Variants in CACNA1B observed in about 807,000 individuals in gnomAD.
CACNA1B encodes voltage-dependent N-type calcium channel subunit alpha-1B.
CACNA1B carries 70 observed loss-of-function variants against 247.2 expected under a neutral mutation model. The ratio of observed to expected loss-of-function variants is 0.28; its 90% confidence interval spans 0.23 to 0.35. The LOEUF (loss-of-function observed/expected upper bound fraction) is 0.35. CACNA1B is among the 10% of genes least tolerant of loss of function. The pLI is 1.00. For synonymous variants in CACNA1B, 1,231 were observed against 1,294.4 expected, an observed-to-expected ratio of 0.95 and a Z score of 1.05; for missense variants, 2,367 against 3,197.4, an observed-to-expected ratio of 0.74 and a Z score of 6.26.
At chr9:138,079,408 T>C (rs771341378) in intron 36 of CACNA1B, among the ~76,000 whole-genome samples, 1 of 151,982 alleles carries the variant, frequency 6.6e-6, no homozygotes, top group African/African-American at 2.4e-5. Flanking sequence ...TAACCAGCCA[T>C]GCACCATATT....
At chr9:138,067,552 A>G (rs1348157738) in intron 31 of CACNA1B, among the ~76,000 whole-genome samples, 3 of 152,218 alleles carry the variant, frequency 2.0e-5, no homozygotes, top group Non-Finnish European at 4.4e-5. Context: ...TACAAAAGTT[A>G]GCCAGGCATG....
Position 138,050,024 on chromosome 9 carries a change from C to T in CACNA1B, c.3710+709C>T. ...CTCTGAGCGGCTGGGAGGGCTGCTC[C>T]TGGTGCCACTGACTCTGTTCTCTTT... On this transcript the variant is annotated intron_variant, in intron 24 of 46. Transcript: ENST00000371372. The surrounding 1 kb of genome is among the most constrained non-coding windows in gnomAD (Gnocchi z 5.2). 3 of 1,280,148 alleles carry T rather than the reference C, an allele frequency of 2.3e-6. No individual in the cohort carries two copies. Among genetic ancestry groups the T allele is most frequent in the Non-Finnish European group, 3.1e-6 (3 of 980,068 alleles). 79.3% of individuals were successfully genotyped at this position (1,280,148 alleles called of 1,614,324 possible).
chr9:137,984,280 A>C (rs1374026590), intron 13 of CACNA1B, 30 bp downstream of exon 13: 1 of 1,497,492 alleles, frequency 6.7e-7, no homozygotes, highest in Non-Finnish European at 9.1e-7. Context: ...AGGCGAGGGC[A>C]GGTGTAGGGT....
At chr9:138,120,525 A>C (rs1589140737) in intron 45 of CACNA1B, 106 bp from the exon 46 acceptor site, 1 of 1,392,976 alleles carries the variant, frequency 7.2e-7, no homozygotes, top group Non-Finnish European at 9.5e-7. Context: ...CCTAACCCTC[A>C]CCCTAGCCTC....
rs1328829106 is a variant in CACNA1B, at chr9:138,023,511, C to T, written c.2768C>T (p.Ser923Phe). The T allele has an allele frequency of 9.3e-7, 1 of 1,078,640 alleles. No individual in the cohort carries two copies. Among genetic ancestry groups the T allele is most frequent in the East Asian group, 8.0e-5 (1 of 12,546 alleles). The allele number at this position is 1,078,640 out of a possible 1,614,324, so 66.8% of individuals were successfully genotyped here. A position where few individuals can be genotyped will look rare whatever the true frequency, so the allele number is the denominator to read the frequency against. Residue 923 changes from serine (S) to phenylalanine (F), a missense_variant, in exon 19 of 47, where the codon TCC becomes TTC. By Grantham distance (155) the Ser-to-Phe change is radical. Coordinates refer to ENST00000371372, the MANE Select transcript of CACNA1B (RefSeq NM_000718.4). ...EGGRRHHRRG[S>F]PEEAAEREPR... ...GGCCGGCGGCACCACCGGCGCGGCT[C>T]CCCGGAGGAGGCGGCCGAGCGGGAG...
chr9:137,972,696 A>G (rs1268639815), intron 11 of CACNA1B, among the ~76,000 whole-genome samples: 2 of 152,148 alleles, frequency 1.3e-5, no homozygotes, highest in African/African-American at 4.8e-5. Flanking sequence ...ACCTGGAAGC[A>G]TGGGTGGGAG....
At chr9:138,088,034 AAG>A (rs1350957578) in intron 36 of CACNA1B, among the ~76,000 whole-genome samples, 1 of 152,140 alleles carries the variant, frequency 6.6e-6, no homozygotes, top group Non-Finnish European at 1.5e-5. Context: ...CAAGAGCAAA[AAG>A]AAACAATATT....
At chr9:138,032,663 A>G (rs1053424355) in intron 20 of CACNA1B, 2 of 452,658 alleles carry the variant, frequency 4.4e-6, no homozygotes, top group Non-Finnish European at 4.4e-6. Flanking sequence ...TTTTGGGTTG[A>G]CAGTTCTTTT....
At chr9:137,937,139 C>T (rs186514374) in intron 6 of CACNA1B, among the ~76,000 whole-genome samples, 185 of 152,158 alleles carry the variant, frequency 1.2e-3, no homozygotes, top group Non-Finnish European at 2.0e-3. Context: ...CATTTATTTG[C>T]GTCCTCTTTT....
chr9:137,977,650 C>T (rs571730937), intron 12 of CACNA1B, among the ~76,000 whole-genome samples: 13 of 152,290 alleles, frequency 8.5e-5, no homozygotes, highest in African/African-American at 2.6e-4. Context: ...ACTGTCGGCA[C>T]CTGCCCAGAG....
chr9:138,051,926 T>G lies in CACNA1B; in HGVS notation c.3711-166T>G, dbSNP rs1423834988. On this transcript the variant is annotated intron_variant, in intron 24 of 46. Transcript: ENST00000371372. This position sits in a 1 kb window ranked among gnomAD's most constrained non-coding sequence, Gnocchi z 4.3. ...AGGCAGCCCCTGGGAAGAGTCATGG[T>G]GGCCTGTGGCACCTGCAGGGCAAGG... is the stretch of plus-strand genomic sequence containing the variant. Among the ~76,000 whole-genome samples the G allele has an allele frequency of 6.6e-6, 1 of 152,130 alleles. No individual in the cohort carries two copies. The highest frequency in any genetic ancestry group is 1.5e-5 in the Non-Finnish European group (1 of 68,014).
chr9:137,895,924 C>T (rs910914645), intron 3 of CACNA1B, among the ~76,000 whole-genome samples: 7 of 152,106 alleles, frequency 4.6e-5, no homozygotes, highest in Non-Finnish European at 8.8e-5. Context: ...AGGAGGAAAA[C>T]ATTCTGACTT....
At chr9:138,083,000 A>G (rs1172417126) in intron 36 of CACNA1B, among the ~76,000 whole-genome samples, 1 of 151,012 alleles carries the variant, frequency 6.6e-6, no homozygotes, top group Non-Finnish European at 1.5e-5. Context: ...GAGGTAAGCA[A>G]GAGGATCCCA....
chr9:138,064,429 C>T (rs1247887390), intron 31 of CACNA1B, among the ~76,000 whole-genome samples: 2 of 152,212 alleles, frequency 1.3e-5, no homozygotes, highest in East Asian at 1.9e-4. Flanking sequence ...TTGAGAGACT[C>T]GGGAGGGAGC....
chr9:138,038,619 C>T (rs1959076426), intron 20 of CACNA1B, among the ~76,000 whole-genome samples: 1 of 152,234 alleles, frequency 6.6e-6, no homozygotes, highest in Non-Finnish European at 1.5e-5. Flanking sequence ...GTACAACCTT[C>T]TGGTTCAGAT....
rs779686899 is a variant in CACNA1B, at chr9:137,971,414, C to T, written c.1365C>T (p.Ser455=). The change falls in exon 11 of 47, where the codon AGC becomes AGT. Residue 455 remains serine (S), a synonymous_variant. Transcript: ENST00000371372. The surrounding 1 kb of genome is among the most constrained non-coding windows in gnomAD (Gnocchi z 4.4). ...CCTTCGCCCGCGCCAGCCTCAAGAG[C>T]GGGAAGACAGAGAGCTCGTCATACT... ...GSPFARASLK[S]GKTESSSYFR... 1.4e-5 allele frequency: 22 copies of T among 1,613,060 alleles called. No homozygotes were observed. The highest frequency in any genetic ancestry group is 6.7e-5 in the Admixed American group (4 of 59,914).
At chr9:137,931,474 TGGA>T in intron 6 of CACNA1B, among the ~76,000 whole-genome samples, 1 of 151,948 alleles carries the variant, frequency 6.6e-6, no homozygotes. Context: ...TGTGGAGAGG[TGGA>T]GTTTTCCTTT....
chr9:138,026,883 C>T (rs982084000), intron 20 of CACNA1B, among the ~76,000 whole-genome samples: 1 of 152,166 alleles, frequency 6.6e-6, no homozygotes, highest in African/African-American at 2.4e-5. Flanking sequence ...TTTGCATTCC[C>T]ACCAGCAATG....
rs543704071 is a variant in CACNA1B at position 137,919,042 on chromosome 9, A to T, written c.966+1611A>T. The stretch of plus-strand genomic sequence containing the variant: ...CCCCACCCAAATGAAGGACTGTGTG[A>T]CCAGGTCTCCACAGCCCTCAGTGTC... On this transcript the variant is annotated intron_variant, in intron 6 of 46. Coordinates refer to ENST00000371372, the MANE Select transcript of CACNA1B (RefSeq NM_000718.4). This position sits in a 1 kb window ranked among gnomAD's most constrained non-coding sequence, Gnocchi z 4.6. 2.2e-3 allele frequency among the ~76,000 whole-genome samples: 336 copies of T among 152,332 alleles called. 2 individuals are homozygous for T. The highest frequency in any genetic ancestry group is 7.6e-3 in the African/African-American group (315 of 41,592).
Sources: gnomAD v4.1 joint callset for allele counts (sites outside exome capture counted in the v4.1 genomes callset) on GRCh38, gnomAD v4.1.1 for gene constraint, Gnocchi (gnomAD v3.1) non-coding constraint, MANE v1.5 for transcripts, NCBI Gene and HGNC (gene_info 2026-07-23, HGNC 2026-07-21) for gene names.